The following ATP8A1 variants were observed in gnomAD, a reference collection of about 807,000 sequenced individuals.
ATP8A1 encodes phospholipid-transporting ATPase IA.
In ATP8A1, 90 loss-of-function variants were observed where a neutral mutation model predicts 177.7. The ratio of observed to expected loss-of-function variants is 0.51; its 90% CI spans 0.43 to 0.60. ATP8A1 has a LOEUF of 0.60. Among genes scored for constraint, ATP8A1 ranks in the 20% least tolerant of loss-of-function variants. The pLI, the probability that ATP8A1 is intolerant of heterozygous loss-of-function variation, is 0.00. For missense variants in ATP8A1, 1,072 were observed against 1,392.8 expected (o/e 0.77, Z 3.67); for synonymous variants, 493 against 485.9 (o/e 1.01, Z -0.19).
At chr4:42,491,766 ATGC>A (rs1438637528) in intron 24 of ATP8A1, among the ~76,000 whole-genome samples, 17 of 152,184 alleles carry the variant, frequency 1.1e-4, no homozygotes, top group Admixed American at 1.1e-3. Flanking sequence ...CCCTAAAGTA[ATGC>A]TGCAGAAAGC....
chr4:42,509,784 G>A (rs1360178497), intron 22 of ATP8A1, among the ~76,000 whole-genome samples: 9 of 149,878 alleles, frequency 6.0e-5, no homozygotes, highest in Non-Finnish European at 8.9e-5. Flanking sequence ...CCCAGGAAGC[G>A]GAGCTTGCGG....
intron 25 of ATP8A1, among the ~76,000 whole-genome samples, chr4:42,481,846 G>GA (rs1721704183): frequency 6.6e-6 from 1 of 152,202 alleles, no homozygotes; most frequent in Admixed American, 6.6e-5. Context: ...CAAATCATGA[G>GA]AATCAGTGGA....
intron 9 of ATP8A1, among the ~76,000 whole-genome samples, chr4:42,585,394 G>A (rs150370129): frequency 1.3e-5 from 2 of 151,220 alleles, no homozygotes; most frequent in African/African-American, 4.9e-5. Context: ...GAAAGTTTGT[G>A]TCTCCCCAAA....
At chr4:42,554,545 G>A (rs1311974535) in intron 16 of ATP8A1, among the ~76,000 whole-genome samples, 1 of 152,170 alleles carries the variant, frequency 6.6e-6, no homozygotes, top group Admixed American at 6.5e-5. Flanking sequence ...CATACTGATA[G>A]GGCCCCACTT....
In ATP8A1 at chr4:42,411,875, A is replaced by T. The variant is rs1253270657; in HGVS notation, c.*1041T>A. On this transcript the variant is annotated 3_prime_UTR_variant, in exon 37 of 37. Coordinates refer to ENST00000381668, the MANE Select transcript of ATP8A1 (RefSeq NM_006095.2). ...CATAACACTGGGTGTGCTACACAAGACACAGGCATCTCTAGTGGGAACTGG... is the reference window on the plus strand; with the variant it reads ...CATAACACTGGGTGTGCTACACAAGTCACAGGCATCTCTAGTGGGAACTGG... 6.6e-6 allele frequency: 1 copy of T among 152,238 alleles called. No homozygotes were observed. Among genetic ancestry groups the T allele is most frequent in the Non-Finnish European group, 1.5e-5 (1 of 68,032 alleles). 9.4% of individuals were successfully genotyped at this position (152,238 alleles called of 1,614,324 possible).
chr4:42,575,759 T>C (rs1203575729), intron 12 of ATP8A1, 60 bp from the exon 13 acceptor site: 7 of 1,411,076 alleles, frequency 5.0e-6, no homozygotes, highest in Non-Finnish European at 7.0e-6. Flanking sequence ...GGGTGAAACT[T>C]TAAAAGAAAA....
At chr4:42,646,226 G>C (rs1193880797) in intron 1 of ATP8A1, among the ~76,000 whole-genome samples, 1 of 152,182 alleles carries the variant, frequency 6.6e-6, no homozygotes, top group Non-Finnish European at 1.5e-5. Context: ...TCCAAGCTAG[G>C]GTTGGGAACC....
chr4:42,545,336 T>C (rs953975295), intron 19 of ATP8A1, among the ~76,000 whole-genome samples: 4 of 152,158 alleles, frequency 2.6e-5, no homozygotes, highest in African/African-American at 9.7e-5. Context: ...CCTCTTTTAC[T>C]CCAGCTTTGA....
At chr4:42,501,606 G>A (rs539694899) in intron 24 of ATP8A1, among the ~76,000 whole-genome samples, 10 of 152,288 alleles carry the variant, frequency 6.6e-5, no homozygotes, top group Admixed American at 5.9e-4. Context: ...CTACTGATCA[G>A]TACAATTTGA....
At chr4:42,484,192 A>C (rs1324165274) in intron 25 of ATP8A1, among the ~76,000 whole-genome samples, 2 of 152,246 alleles carry the variant, frequency 1.3e-5, no homozygotes, top group Non-Finnish European at 2.9e-5. Context: ...TAAATTTTAA[A>C]AAGCATGAGA....
intron 6 of ATP8A1, among the ~76,000 whole-genome samples, chr4:42,591,868 A>T (rs559838245): frequency 3.3e-5 from 5 of 152,272 alleles, no homozygotes; most frequent in African/African-American, 1.2e-4. Context: ...ACAGTTGTTT[A>T]CTCTTACTGC....
At chr4:42,506,976 A>G in intron 23 of ATP8A1, 40 bp downstream of exon 23, 1 of 1,602,278 alleles carries the variant, frequency 6.2e-7, no homozygotes, top group Non-Finnish European at 8.5e-7. Flanking sequence ...TTAACTTATT[A>G]AAAAGCACCA....
At chr4:42,607,548 A>G (rs886840486) in intron 5 of ATP8A1, among the ~76,000 whole-genome samples, 1 of 152,168 alleles carries the variant, frequency 6.6e-6, no homozygotes, top group Non-Finnish European at 1.5e-5. Context: ...AAGTTTAGAG[A>G]AAGCAAGAAA....
chr4:42,494,162 C>CAAAAA (rs397993131), intron 24 of ATP8A1, among the ~76,000 whole-genome samples: 17 of 53,452 alleles, frequency 3.2e-4, no homozygotes, highest in Admixed American at 6.6e-4. Context: ...GATCATGCCA[C>CAAAAA]AAAAAAAAAA....
At chr4:42,547,149 T>C (rs949351790) in intron 19 of ATP8A1, among the ~76,000 whole-genome samples, 1 of 152,160 alleles carries the variant, frequency 6.6e-6, no homozygotes, top group Non-Finnish European at 1.5e-5. Context: ...AACCTAAGAC[T>C]TCAAACATTT....
intron 1 of ATP8A1, among the ~76,000 whole-genome samples, chr4:42,653,828 T>A (rs1460705182): frequency 6.6e-6 from 1 of 152,216 alleles, no homozygotes; most frequent in Admixed American, 6.5e-5. Flanking sequence ...TATCCAAACT[T>A]TTAGCCTGCT....
rs376966152 is a variant in ATP8A1 at position 42,479,996 on chromosome 4, TTGTG to T, written c.2324+5496_2324+5499del. Among the ~76,000 whole-genome samples the T allele has an allele frequency of 1.4e-3, 190 of 135,656 alleles. 1 individual carries two copies. The highest frequency in any genetic ancestry group is 6.5e-3 in the South Asian group (25 of 3,846). The allele number at this position is 135,656 out of a possible 152,430, so 89.0% of individuals were successfully genotyped here. A position where few individuals can be genotyped will look rare whatever the true frequency, so the allele number is the denominator to read the frequency against. The stretch of plus-strand genomic sequence containing the variant: ...AGAATTATGTAATCTGCAGTTCTGC[TTGTG>T]TGTGTGTGTGTGTGTGTGTGTGTGT... On this transcript the variant is annotated intron_variant, in intron 25 of 36. Transcript: ENST00000381668.
At chr4:42,539,064 A>C (rs1728121227) in intron 20 of ATP8A1, among the ~76,000 whole-genome samples, 1 of 152,220 alleles carries the variant, frequency 6.6e-6, no homozygotes, top group Non-Finnish European at 1.5e-5. Flanking sequence ...ATACCACGGA[A>C]TACTACTCAG....
intron 15 of ATP8A1, among the ~76,000 whole-genome samples, chr4:42,565,955 T>C (rs1731300135): frequency 6.6e-6 from 1 of 152,196 alleles, no homozygotes; most frequent in South Asian, 2.1e-4. Context: ...AATTAATCTG[T>C]GAGGTTATAT....
Sources: gnomAD v4.1 joint callset for allele counts (sites outside exome capture counted in the v4.1 genomes callset) on GRCh38, gnomAD v4.1.1 for gene constraint, MANE v1.5 for transcripts, NCBI Gene and HGNC (gene_info 2026-07-23, HGNC 2026-07-21) for gene names.